Variants in DLG2 observed in about 807,000 individuals in gnomAD.
DLG2 encodes the protein disks large homolog 2.
A neutral mutation model predicts 132.5 loss-of-function variants in DLG2; 45 were observed. That is an observed-to-expected ratio of 0.34 (90% CI 0.27 to 0.44). The LOEUF is 0.44. Among genes scored for constraint, DLG2 ranks in the 20% least tolerant of loss-of-function variants. The pLI, the probability that DLG2 is intolerant of heterozygous loss-of-function variation, is 1.00. For synonymous variants in DLG2, 424 were observed against 419.6 expected (o/e 1.01, Z -0.13); for missense variants, 1,045 against 1,196.9 (o/e 0.87, Z 1.87).
At chr11:85,575,263 C>T (rs1268830034) in intron 3 of DLG2, among the ~76,000 whole-genome samples, 2 of 151,888 alleles carry the variant, frequency 1.3e-5, no homozygotes, top group African/African-American at 4.8e-5. Flanking sequence ...AGGTCAAGTG[C>T]AGTGGCTCAC....
At chr11:85,333,158 C>G (rs1490603104) in intron 3 of DLG2, among the ~76,000 whole-genome samples, 2 of 151,844 alleles carry the variant, frequency 1.3e-5, no homozygotes, top group Non-Finnish European at 2.9e-5. Context: ...GATTTTTTAC[C>G]TCCCTGATTA....
At chr11:85,006,539 G>A (rs1447097999) in intron 6 of DLG2, among the ~76,000 whole-genome samples, 1 of 152,034 alleles carries the variant, frequency 6.6e-6, no homozygotes, top group Non-Finnish European at 1.5e-5. Context: ...ATTCTCTGAT[G>A]GTAGTTTGCA....
chr11:83,592,578 C>G (rs1350406618), intron 19 of DLG2, among the ~76,000 whole-genome samples: 1 of 152,150 alleles, frequency 6.6e-6, no homozygotes, highest in Non-Finnish European at 1.5e-5. Context: ...AGGACATAGG[C>G]ATGGGCAAGG....
intron 3 of DLG2, among the ~76,000 whole-genome samples, chr11:85,503,223 C>T (rs1269629059): frequency 6.6e-6 from 1 of 152,010 alleles, no homozygotes; most frequent in African/African-American, 2.4e-5. Context: ...TGCATTCAAG[C>T]TTTTTAAGGT....
chr11:84,130,091 A>G (rs936454523), intron 9 of DLG2, among the ~76,000 whole-genome samples: 2 of 152,052 alleles, frequency 1.3e-5, no homozygotes, highest in Non-Finnish European at 2.9e-5. Context: ...TATTCTTGAG[A>G]TAGCACATAG....
intron 4 of DLG2, among the ~76,000 whole-genome samples, chr11:85,248,757 A>T (rs939330611): frequency 3.3e-5 from 5 of 152,260 alleles, no homozygotes; most frequent in Non-Finnish European, 5.9e-5. Flanking sequence ...AAAGTCAACC[A>T]TAGAATAATT....
chr11:84,401,026 C>T (rs937408714), intron 7 of DLG2, among the ~76,000 whole-genome samples: 2 of 152,100 alleles, frequency 1.3e-5, no homozygotes, highest in African/African-American at 4.8e-5. Context: ...GTATCAAACA[C>T]ATGGTTGATT....
In DLG2 at chr11:85,160,445, G is replaced by A. The variant is rs1345318402; in HGVS notation, c.187-5794C>T. Among the ~76,000 whole-genome samples, 9 of 152,286 alleles carry A rather than the reference G, an allele frequency of 5.9e-5. No individual in the cohort carries two copies. The South Asian group carries it at 1.9e-3, about 32-fold the overall frequency. On this transcript the variant is annotated intron_variant, in intron 4 of 27. Transcript: ENST00000376104. The stretch of plus-strand genomic sequence containing the variant: ...AGGTTCTGCCATCTTCTGCAGATAA[G>A]TACTCTCCTTTTGAGAAACAGCTCT...
At chr11:84,109,579 A>G (rs1466828835) in intron 9 of DLG2, among the ~76,000 whole-genome samples, 1 of 152,232 alleles carries the variant, frequency 6.6e-6, no homozygotes, top group Non-Finnish European at 1.5e-5. Flanking sequence ...TCTAAGTAAC[A>G]TCAGTCTTCT....
chr11:83,777,836 T>C (rs543221883), intron 18 of DLG2, among the ~76,000 whole-genome samples: 81 of 152,294 alleles, frequency 5.3e-4, no homozygotes, highest in African/African-American at 1.9e-3. Context: ...GTAATAATTG[T>C]TATTTGATGG....
At chr11:85,416,380 C>G (rs1009276039) in intron 3 of DLG2, among the ~76,000 whole-genome samples, 1 of 151,226 alleles carries the variant, frequency 6.6e-6, no homozygotes, top group African/African-American at 2.4e-5. Context: ...TAGCATGATG[C>G]CTCCAGCTTT....
intron 6 of DLG2, among the ~76,000 whole-genome samples, chr11:84,889,355 G>C (rs188304056): frequency 2.5e-4 from 38 of 152,218 alleles, no homozygotes; most frequent in Admixed American, 2.2e-3. Context: ...TTCATGGTGA[G>C]GGGGAGATTT....
At chr11:84,445,281 C>T (rs2099030140) in intron 7 of DLG2, among the ~76,000 whole-genome samples, 2 of 152,064 alleles carry the variant, frequency 1.3e-5, no homozygotes, top group Non-Finnish European at 1.5e-5. Flanking sequence ...AAATTTTCTT[C>T]TTACAGATAA....
At chr11:84,975,520 G>A (rs957250500) in intron 6 of DLG2, among the ~76,000 whole-genome samples, 3 of 152,148 alleles carry the variant, frequency 2.0e-5, no homozygotes, top group Non-Finnish European at 4.4e-5. Flanking sequence ...GATAAGCTTA[G>A]CAGAATTAGA....
chr11:83,641,437 G>A (rs998698641), intron 18 of DLG2, among the ~76,000 whole-genome samples: 24 of 152,040 alleles, frequency 1.6e-4, no homozygotes, highest in Admixed American at 4.6e-4. Flanking sequence ...AATATTAGAC[G>A]GTTGCCATTT....
chr11:84,470,676 T>C lies in DLG2; in HGVS notation c.519+63894A>G, dbSNP rs145190433. 5.7e-3 allele frequency among the ~76,000 whole-genome samples: 870 copies of C among 151,650 alleles called. 3 individuals are homozygous for C. Among genetic ancestry groups the C allele is most frequent in the African/African-American group, 0.02 (812 of 41,406 alleles). On this transcript the variant is annotated intron_variant, in intron 7 of 27. Transcript: ENST00000376104. ...TAAGGACCATTCTCCCTGGCAGAGG[T>C]AAATATATGCACAAATAAATGCTTG... is the stretch of plus-strand genomic sequence containing the variant.
At chr11:83,845,314 C>T (rs966713794) in intron 16 of DLG2, among the ~76,000 whole-genome samples, 12 of 152,138 alleles carry the variant, frequency 7.9e-5, no homozygotes, top group African/African-American at 2.7e-4. Flanking sequence ...AAGAGAGGGG[C>T]ATACCAAAGG....
chr11:84,267,229 GTA>G (rs973330461), intron 7 of DLG2, among the ~76,000 whole-genome samples: 4 of 101,722 alleles, frequency 3.9e-5, no homozygotes, highest in African/African-American at 1.2e-4. Context: ...GCGTACAAAA[GTA>G]TAGATTAAAG....
At chr11:85,241,228 T>C in intron 4 of DLG2, among the ~76,000 whole-genome samples, 1 of 151,866 alleles carries the variant, frequency 6.6e-6, no homozygotes, top group South Asian at 2.1e-4. Flanking sequence ...AGTTGATTTT[T>C]CTTTGATGAT....
Sources: gnomAD v4.1 joint callset for allele counts (sites outside exome capture counted in the v4.1 genomes callset) on GRCh38, gnomAD v4.1.1 for gene constraint, MANE v1.5 for transcripts, NCBI Gene and HGNC (gene_info 2026-07-23, HGNC 2026-07-21) for gene names.